SCN11A: variants seen among roughly 807,000 people sequenced by gnomAD.
SCN11A encodes sodium channel protein type 11 subunit alpha.
In SCN11A, 122 loss-of-function variants were observed where a neutral mutation model predicts 162.2. The observed-to-expected ratio is 0.75, with a 90% CI of 0.65 to 0.87. The LOEUF is 0.87. Ranked by LOEUF, SCN11A falls within the 40% of genes least tolerant of loss-of-function variation. The probability of loss-of-function intolerance (pLI) is 0.00; values close to 1 mark genes in which losing one functional copy is unlikely to be tolerated. For missense variants in SCN11A, 2,015 were observed against 2,181.6 expected, an observed-to-expected ratio of 0.92 and a Z score of 1.52; for synonymous variants, 758 against 751.5, an observed-to-expected ratio of 1.01 and a Z score of -0.14.
In SCN11A at chr3:38,885,526, T is replaced by G. The variant is rs959934765; in HGVS notation, c.2950-124A>C. ...ATGAACTAGGCAAAGGTTTCTAGGA[T>G]GAGAGGTGTCAAGAAACACCCCTCC... is the stretch of plus-strand genomic sequence containing the variant. On this transcript the variant is annotated intron_variant, in intron 20 of 29. Transcript: ENST00000302328. 4.0e-5 allele frequency: 25 copies of G among 624,822 alleles called. No homozygotes were observed. The Admixed American group carries it at 6.4e-4, about 16-fold the overall frequency. The allele number at this position is 624,822 out of a possible 1,614,324, so 38.7% of individuals were successfully genotyped here.
chr3:38,962,498 A>C (rs546561762), intron 2 of SCN11A, among the ~76,000 whole-genome samples: 97 of 152,244 alleles, frequency 6.4e-4, no homozygotes, highest in Middle Eastern at 3.4e-3. Context: ...CCCATCCATG[A>C]GCATGGGATG....
intron 7 of SCN11A, among the ~76,000 whole-genome samples, chr3:38,934,738 G>A (rs1485339584): frequency 6.6e-6 from 1 of 151,926 alleles, no homozygotes; most frequent in East Asian, 1.9e-4. Flanking sequence ...CAAGTCCTGA[G>A]TGACCTACAA....
Position 38,883,228 on chromosome 3 carries a change from T to G in SCN11A, c.3219+5A>C. 1 of 1,610,850 alleles carries G rather than the reference T, an allele frequency of 6.2e-7. No homozygotes were observed. Among genetic ancestry groups the G allele is most frequent in the East Asian group, 2.2e-5 (1 of 44,864 alleles). On this transcript the variant is annotated splice_donor_5th_base_variant and intron_variant, in intron 22 of 29. Coordinates refer to ENST00000302328, the MANE Select transcript of SCN11A (RefSeq NM_001349253.2). ...CAATGTCTCCACAAGACAATGATGA[T>G]TTACCAGTGCCCCACTGCTCAGCAG...
chr3:38,862,792 T>C (rs1399658842), intron 28 of SCN11A, among the ~76,000 whole-genome samples: 1 of 152,058 alleles, frequency 6.6e-6, no homozygotes, highest in Non-Finnish European at 1.5e-5. Context: ...GGGTACAGTG[T>C]ACACTGCTTG....
intron 24 of SCN11A, 115 bp from the exon 25 acceptor site, chr3:38,871,823 A>T: frequency 1.2e-6 from 1 of 843,636 alleles, no homozygotes; most frequent in Non-Finnish European, 1.9e-6. Flanking sequence ...CTCTGTCCTT[A>T]ATCTCCACAT....
intron 9 of SCN11A, among the ~76,000 whole-genome samples, chr3:38,923,976 T>C (rs1192312132): frequency 6.6e-6 from 1 of 152,110 alleles, no homozygotes; most frequent in African/African-American, 2.4e-5. Flanking sequence ...AAGAATCCCA[T>C]ATGCTTCAGG....
chr3:38,962,932 C>T (rs918381754), intron 2 of SCN11A, among the ~76,000 whole-genome samples: 3 of 151,514 alleles, frequency 2.0e-5, no homozygotes, highest in African/African-American at 7.3e-5. Context: ...TACAAATGGC[C>T]AACAAACGTG....
intron 2 of SCN11A, among the ~76,000 whole-genome samples, chr3:38,987,584 G>C (rs913715001): frequency 6.6e-6 from 1 of 151,436 alleles, no homozygotes; most frequent in African/African-American, 2.4e-5. Context: ...TCACACAAAG[G>C]AGACACCATT....
intron 2 of SCN11A, among the ~76,000 whole-genome samples, chr3:38,963,352 G>GATATATATATAT (rs377651422): frequency 7.8e-4 from 30 of 38,278 alleles, no homozygotes; most frequent in Non-Finnish European, 1.6e-3. Context: ...CTATTTGATG[G>GATATATATATAT]ATATATATAT....
At chr3:38,928,566 A>G (rs1181315388) in intron 7 of SCN11A, among the ~76,000 whole-genome samples, 2 of 152,282 alleles carry the variant, frequency 1.3e-5, no homozygotes, top group East Asian at 3.9e-4. Context: ...AAAATAAAAT[A>G]GAACTCCTAC....
rs2064686313 is a variant in SCN11A at position 38,847,239 on chromosome 3, T to C, written c.4831A>G (p.Thr1611Ala). The C allele has an allele frequency of 2.5e-6, 4 of 1,614,130 alleles. No homozygotes were observed. The highest frequency in any genetic ancestry group is 3.4e-6 in the Non-Finnish European group (4 of 1,179,962). ...AVILENFNTA[T>A]EESEDPLGED... ...CCCAAAGGGTCCTCACTTTCTTCAG[T>C]GGCTGTATTGAAGTTCTCTAAAATC... is the stretch of plus-strand genomic sequence containing the variant. The change falls in exon 30 of 30, where the codon ACT becomes GCT. Residue 1611 changes from threonine to alanine, a missense_variant. By Grantham distance (58) the Thr-to-Ala change is moderately conservative (BLOSUM62 0). Coordinates refer to ENST00000302328, the MANE Select transcript of SCN11A (RefSeq NM_001349253.2).
chr3:38,968,002 A>G (rs1575341066), intron 2 of SCN11A, among the ~76,000 whole-genome samples: 1 of 152,230 alleles, frequency 6.6e-6, no homozygotes, highest in African/African-American at 2.4e-5. Context: ...AGCTAGTATA[A>G]GCATAAAAGA....
intron 9 of SCN11A, 32 bp from the exon 10 acceptor site, chr3:38,921,287 C>A: frequency 1.2e-6 from 2 of 1,602,714 alleles, no homozygotes; most frequent in African/African-American, 1.3e-5. Context: ...GGGAGAAGCC[C>A]ATCCCCCTCA....
chr3:39,014,706 G>T (rs1180334522), intron 2 of SCN11A, among the ~76,000 whole-genome samples: 1 of 152,132 alleles, frequency 6.6e-6, no homozygotes, highest in Non-Finnish European at 1.5e-5. Context: ...GATACCTTGG[G>T]GGTGAATAGG....
intron 7 of SCN11A, among the ~76,000 whole-genome samples, chr3:38,933,776 T>A (rs917623563): frequency 6.6e-5 from 10 of 152,226 alleles, no homozygotes; most frequent in Admixed American, 5.2e-4. Flanking sequence ...ACAGGGAGAA[T>A]GGAACCAAGT....
chr3:38,979,390 C>A (rs2029922596), intron 2 of SCN11A, among the ~76,000 whole-genome samples: 1 of 152,130 alleles, frequency 6.6e-6, no homozygotes, highest in Non-Finnish European at 1.5e-5. Flanking sequence ...CCACTGCTTC[C>A]TTTGACCAAG....
intron 26 of SCN11A, 36 bp from the exon 27 acceptor site, chr3:38,867,494 T>C (rs1337248624): frequency 4.6e-6 from 7 of 1,530,706 alleles, no homozygotes; most frequent in Non-Finnish European, 4.5e-6. Context: ...AAAAAAACAA[T>C]TACTGGAGAA....
chr3:38,865,393 T>G (rs1286698945), intron 27 of SCN11A, among the ~76,000 whole-genome samples: 1 of 152,158 alleles, frequency 6.6e-6, no homozygotes, highest in East Asian at 1.9e-4. Context: ...CATCACACAC[T>G]CCTGAGTAGC....
intron 7 of SCN11A, among the ~76,000 whole-genome samples, chr3:38,937,475 T>C (rs1166267298): frequency 6.6e-6 from 1 of 151,342 alleles, no homozygotes; most frequent in Non-Finnish European, 1.5e-5. Flanking sequence ...CCTACTCATC[T>C]GACAAAGGGC....
Sources: allele counts gnomAD v4.1 joint callset (sites outside exome capture counted in the v4.1 genomes callset), GRCh38; gene constraint gnomAD v4.1.1; transcripts MANE v1.5; gene names NCBI Gene and HGNC (gene_info 2026-07-23, HGNC 2026-07-21).